SHTN1: variants seen among roughly 807,000 people sequenced by gnomAD.
SHTN1 encodes the protein shootin-1.
In SHTN1, 42 loss-of-function variants were observed where a neutral mutation model predicts 83.1. The observed-to-expected ratio is 0.51, with a 90% CI of 0.39 to 0.65. The LOEUF (loss-of-function observed/expected upper bound fraction) is 0.65, where lower values mean the gene tolerates loss of function less well. Among genes scored for constraint, SHTN1 ranks in the 30% least tolerant of loss-of-function variants. The probability of loss-of-function intolerance (pLI) is 0.00; values close to 1 mark genes in which losing one functional copy is unlikely to be tolerated. For missense variants in SHTN1, 622 were observed against 737.8 expected, an observed-to-expected ratio of 0.84 and a Z score of 1.82; for synonymous variants, 224 against 247.7, an observed-to-expected ratio of 0.90 and a Z score of 0.90.
intron 2 of SHTN1, among the ~76,000 whole-genome samples, chr10:117,018,766 T>C (rs1286824002): frequency 1.3e-5 from 2 of 151,996 alleles, no homozygotes; most frequent in Admixed American, 6.6e-5. Context: ...AGAGAGGGGT[T>C]TTCACCATGT....
At chr10:116,921,843 A>C (rs1848578863) in intron 11 of SHTN1, among the ~76,000 whole-genome samples, 1 of 152,152 alleles carries the variant, frequency 6.6e-6, no homozygotes, top group Non-Finnish European at 1.5e-5. Context: ...ACTATGTTAG[A>C]GGGGGAGGGA....
chr10:116,972,519 C>G (rs991283103), intron 2 of SHTN1, among the ~76,000 whole-genome samples: 1 of 152,204 alleles, frequency 6.6e-6, no homozygotes, highest in Non-Finnish European at 1.5e-5. Flanking sequence ...TGCAAACTTT[C>G]TCTCATTCTA....
chr10:117,095,107 C>T (rs1414375746), intron 1 of SHTN1, among the ~76,000 whole-genome samples: 3 of 152,168 alleles, frequency 2.0e-5, no homozygotes, highest in Non-Finnish European at 4.4e-5. Context: ...TGGCGAATAT[C>T]AAAGCCGTGA....
intron 8 of SHTN1, among the ~76,000 whole-genome samples, chr10:116,944,141 A>G (rs1256076970): frequency 6.6e-6 from 1 of 152,198 alleles, no homozygotes. Context: ...TACTGATACC[A>G]TAATACTGTT....
At chr10:117,016,646 A>T (rs1159832824) in intron 2 of SHTN1, among the ~76,000 whole-genome samples, 1 of 152,110 alleles carries the variant, frequency 6.6e-6, no homozygotes, top group African/African-American at 2.4e-5. Flanking sequence ...ACCTTAGGTG[A>T]TCTGCCTGCC....
intron 1 of SHTN1, among the ~76,000 whole-genome samples, chr10:117,058,924 C>T (rs1380398406): frequency 1.3e-5 from 2 of 152,020 alleles, no homozygotes; most frequent in Non-Finnish European, 2.9e-5. Context: ...ATATGAGATA[C>T]CTAGATAGTC....
intron 1 of SHTN1, among the ~76,000 whole-genome samples, chr10:117,116,613 A>T (rs1300252590): frequency 6.6e-6 from 1 of 152,162 alleles, no homozygotes; most frequent in African/African-American, 2.4e-5. Flanking sequence ...ATGAAAAAAT[A>T]AAACTAAAGG....
intron 2 of SHTN1, among the ~76,000 whole-genome samples, chr10:117,035,298 C>A (rs752779563): frequency 6.6e-6 from 1 of 152,172 alleles, no homozygotes; most frequent in African/African-American, 2.4e-5. Flanking sequence ...AAGAATGAAA[C>A]TAGACCCTTA....
intron 1 of SHTN1, among the ~76,000 whole-genome samples, chr10:117,082,508 C>CCCCAAA (rs1478775378): frequency 6.6e-6 from 1 of 151,238 alleles, no homozygotes. Context: ...AAAATGTATA[C>CCCCAAA]TCTGTTGATT....
At chr10:116,937,217 G>A (rs1461116116) in intron 9 of SHTN1, among the ~76,000 whole-genome samples, 1 of 152,110 alleles carries the variant, frequency 6.6e-6, no homozygotes, top group African/African-American at 2.4e-5. Context: ...GATGCTAGCT[G>A]GCTATTTTGC....
chr10:117,063,013 A>G lies in SHTN1; in HGVS notation c.-188-14503T>C, dbSNP rs560145707. 7.4e-4 allele frequency among the ~76,000 whole-genome samples: 112 copies of G among 152,324 alleles called. 2 individuals are homozygous for G. In the South Asian group the frequency reaches 0.022, roughly 30 times the overall value. ...GAGTGACTGGAATTCACTGGATAATACTAACCATAAATGGAGATGGCTTTG... is the reference window on the plus strand; with the variant it reads ...GAGTGACTGGAATTCACTGGATAATGCTAACCATAAATGGAGATGGCTTTG... On this transcript the variant is annotated intron_variant, in intron 1 of 17. Coordinates refer to the SHTN1 transcript ENST00000392901.
intron 1 of SHTN1, among the ~76,000 whole-genome samples, chr10:117,123,144 A>G (rs1589941716): frequency 1.3e-5 from 2 of 152,122 alleles, no homozygotes; most frequent in South Asian, 4.1e-4. Context: ...TTGGGATTAC[A>G]GGCATGTACC....
At chr10:117,119,843 T>TAAA (rs34968901) in intron 1 of SHTN1, among the ~76,000 whole-genome samples, 3 of 148,000 alleles carry the variant, frequency 2.0e-5, no homozygotes, top group African/African-American at 5.0e-5. Flanking sequence ...TAATCAGTTG[T>TAAA]AAAAAAAAAA....
chr10:117,081,656 A>G (rs1336704214), intron 1 of SHTN1, among the ~76,000 whole-genome samples: 2,262 of 97,276 alleles, frequency 0.023, no homozygotes, highest in South Asian at 0.029. Flanking sequence ...CTGTGAATCC[A>G]TCTGGTCCTG....
chr10:116,982,219 C>A (rs1468209710), intron 1 of SHTN1, among the ~76,000 whole-genome samples: 3 of 152,130 alleles, frequency 2.0e-5, no homozygotes, highest in Admixed American at 1.3e-4. Context: ...ATTGTAGGCT[C>A]CCAATTACTG....
upstream of SHTN1, among the ~76,000 whole-genome samples, chr10:117,007,066 T>C (rs1216854080): frequency 1.3e-5 from 2 of 152,076 alleles, no homozygotes; most frequent in African/African-American, 2.4e-5. Flanking sequence ...AATTTTGATA[T>C]GGGATTGTAT....
chr10:117,016,056 T>C (rs767794033), intron 2 of SHTN1, among the ~76,000 whole-genome samples: 3 of 152,168 alleles, frequency 2.0e-5, no homozygotes, highest in Non-Finnish European at 4.4e-5. Flanking sequence ...GTGTTTGAGG[T>C]ATATATATTT....
In SHTN1 at chr10:116,883,177, G is replaced by A. The variant is rs957494652; in HGVS notation, c.*3167C>T. On this transcript the variant is annotated 3_prime_UTR_variant, in exon 17 of 17. Coordinates refer to ENST00000355371, the MANE Select transcript of SHTN1 (RefSeq NM_001127211.3). ...CAGAGCAGTTTACTCACCTATCCTC[G>A]AGACTGCACTCACCAATGGATAATT... The A allele has an allele frequency of 5.9e-5, 9 of 152,082 alleles. No individual in the cohort carries two copies. The highest frequency in any genetic ancestry group is 3.2e-3 in the Middle Eastern group (1 of 316). The allele number at this position is 152,082 out of a possible 1,614,324, so 9.4% of individuals were successfully genotyped here.
chr10:116,898,340 T>A (rs1011197426), intron 16 of SHTN1, among the ~76,000 whole-genome samples: 27 of 151,508 alleles, frequency 1.8e-4, no homozygotes, highest in African/African-American at 6.1e-4. Context: ...AAAAAAAAAA[T>A]TCTATAATTT....
Sources: gnomAD v4.1 joint callset for allele counts (sites outside exome capture counted in the v4.1 genomes callset) on GRCh38, gnomAD v4.1.1 for gene constraint, MANE v1.5 for transcripts, NCBI Gene and HGNC (gene_info 2026-07-23, HGNC 2026-07-21) for gene names.